Variants in CCDC138 observed in about 807,000 individuals in gnomAD.
The protein encoded by CCDC138 is coiled-coil domain containing 138.
In CCDC138, 66 loss-of-function variants were observed where a neutral mutation model predicts 82.3. The observed-to-expected ratio is 0.80, with a 90% CI of 0.66 to 0.98. The LOEUF (loss-of-function observed/expected upper bound fraction) is 0.98. CCDC138 is among the 50% of genes least tolerant of loss of function. The pLI is 0.00. For missense variants in CCDC138, 816 were observed against 758.9 expected (o/e 1.08, Z -0.88); for synonymous variants, 297 against 265.4 (o/e 1.12, Z -1.16).
chr2:108,810,258 AGTATGAT>A (rs1558652515), intron 7 of CCDC138, among the ~76,000 whole-genome samples: 1 of 152,198 alleles, frequency 6.6e-6, no homozygotes, highest in African/African-American at 2.4e-5. Flanking sequence ...TTCCCTGTTC[AGTATGAT>A]GTTAATTGTG....
rs571101598 is a variant in CCDC138 at position 108,876,008 on chromosome 2, A to G, written c.1833-80A>G. On this transcript the variant is annotated intron_variant, in intron 14 of 14. Transcript: ENST00000295124. ...ACAGATGCCATTTCCTCATGTTTACACATAAATTATCTGTCAGTGTCATTG... is the reference window on the plus strand; with the variant it reads ...ACAGATGCCATTTCCTCATGTTTACGCATAAATTATCTGTCAGTGTCATTG... The G allele has an allele frequency of 7.1e-6, 6 of 841,024 alleles. No individual in the cohort carries two copies. The African/African-American group carries it at 1.0e-4, about 14-fold the overall frequency. 52.1% of individuals were successfully genotyped at this position (841,024 alleles called of 1,614,324 possible).
rs768574081 is a variant in CCDC138, at chr2:108,839,254, G to T, written c.1276G>T (p.Val426Leu). 3 of 1,612,782 alleles carry T rather than the reference G, an allele frequency of 1.9e-6. No individual in the cohort carries two copies. Among genetic ancestry groups the T allele is most frequent in the Non-Finnish European group, 2.5e-6 (3 of 1,179,290 alleles). ...GAATATCAAACTTCACGAGCCTTTT[G>T]TAAAATTTATATATTGGTCCCTAAG... is the stretch of plus-strand genomic sequence containing the variant. ...FVNIKLHEPF[V>L]KFIYWSLRQL... The change falls in exon 11 of 15, where the codon GTA (valine) becomes TTA (leucine). Residue 426 changes from valine to leucine, a missense_variant. Val to Leu is a conservative substitution (Grantham distance 32). Transcript: ENST00000295124.
At chr2:108,807,597 C>G (rs1381518366) in intron 7 of CCDC138, among the ~76,000 whole-genome samples, 3 of 151,976 alleles carry the variant, frequency 2.0e-5, no homozygotes, top group Admixed American at 6.6e-5. Context: ...GAACTTATTC[C>G]TCTTATCTGG....
intron 13 of CCDC138, among the ~76,000 whole-genome samples, chr2:108,870,161 GAAAC>G (rs1346052332): frequency 3.3e-5 from 5 of 151,996 alleles, no homozygotes; most frequent in East Asian, 3.9e-4. Context: ...TGTCAACAAA[GAAAC>G]AAATTATTTA....
intron 12 of CCDC138, among the ~76,000 whole-genome samples, chr2:108,854,322 A>G (rs545277972): frequency 1.7e-3 from 251 of 151,466 alleles, no homozygotes; most frequent in Admixed American, 4.0e-3. Context: ...AGTTACTTCA[A>G]CTCTATAGTC....
chr2:108,832,619 T>C (rs943778287), intron 10 of CCDC138, among the ~76,000 whole-genome samples: 2 of 152,186 alleles, frequency 1.3e-5, no homozygotes, highest in Admixed American at 1.3e-4. Flanking sequence ...TGATGCTCTT[T>C]CTGTAGTTTT....
intron 13 of CCDC138, among the ~76,000 whole-genome samples, chr2:108,861,669 CAG>C (rs1325609185): frequency 2.0e-5 from 3 of 151,938 alleles, no homozygotes; most frequent in Non-Finnish European, 4.4e-5. Context: ...TTAGTAGAGA[CAG>C]GGTTTCACCA....
chr2:108,845,875 T>C (rs935047575), intron 11 of CCDC138, among the ~76,000 whole-genome samples: 2 of 152,192 alleles, frequency 1.3e-5, no homozygotes, highest in African/African-American at 4.8e-5. Context: ...CCAGCCTCAT[T>C]TTATTCTTAA....
chr2:108,792,749 A>C (rs766289891), intron 4 of CCDC138, among the ~76,000 whole-genome samples: 1 of 152,220 alleles, frequency 6.6e-6, no homozygotes, highest in Non-Finnish European at 1.5e-5. Context: ...TGGGGCTTCC[A>C]TGAGTCTAGT....
intron 12 of CCDC138, among the ~76,000 whole-genome samples, chr2:108,856,473 T>TA (rs1269299228): frequency 1.3e-5 from 2 of 152,208 alleles, no homozygotes; most frequent in Non-Finnish European, 2.9e-5. Context: ...ATGTAGTAGT[T>TA]ATCAAATATG....
At position 108,812,928 on chromosome 2, in the gene CCDC138, G is replaced by A. The variant is rs953354901; in HGVS notation, c.1041+1G>A. 9.3e-6 allele frequency: 15 copies of A among 1,612,856 alleles called. No individual in the cohort carries two copies. The highest frequency in any genetic ancestry group is 4.0e-5 in the African/African-American group (3 of 74,806). On this transcript the variant is annotated splice_donor_variant, in intron 9 of 14. Coordinates refer to ENST00000295124, the MANE Select transcript of CCDC138 (RefSeq NM_144978.3). LOFTEE classifies it high-confidence loss of function. Reference sequence around the variant, plus strand: ...AGCACCAGTTTCAAAAACTTACAAGGTAAGTTTGAATTATGATTTGATATG... The same window carrying A: ...AGCACCAGTTTCAAAAACTTACAAGATAAGTTTGAATTATGATTTGATATG...
In CCDC138 at chr2:108,839,063, T is replaced by G. The variant is rs970230468; in HGVS notation, c.1207-122T>G. 29 of 1,058,402 alleles carry G rather than the reference T, an allele frequency of 2.7e-5. No individual in the cohort carries two copies. The African/African-American group carries it at 4.2e-4, about 15-fold the overall frequency. 65.6% of individuals were successfully genotyped at this position (1,058,402 alleles called of 1,614,324 possible). ...ATATAGTTTTAAAGTGAAGGTTTTT[T>G]GTTGGAGAACTCTTTTGTTTTGTTT... On this transcript the variant is annotated intron_variant, in intron 10 of 14. Coordinates refer to ENST00000295124, the MANE Select transcript of CCDC138 (RefSeq NM_144978.3).
Position 108,856,813 on chromosome 2 carries a change from A to T in CCDC138, c.1536A>T (p.Ala512=). The T allele has an allele frequency of 1.2e-6, 2 of 1,613,330 alleles. No individual in the cohort carries two copies. Among genetic ancestry groups the T allele is most frequent in the South Asian group, 2.2e-5 (2 of 90,896 alleles). ...TTCCAGCTGATTACCTGGCTCAGGC[A>T]TTTGATTCTCTTTGTTTGGACTTGA... The part of the protein sequence containing the change: ...TVTQADYLAQ[A]FDSLCLDLKT... Residue 512 remains alanine, a synonymous_variant, in exon 13 of 15, where the codon GCA becomes GCT. Transcript: ENST00000295124.
At chr2:108,819,071 C>G (rs937228114) in intron 10 of CCDC138, among the ~76,000 whole-genome samples, 5 of 152,176 alleles carry the variant, frequency 3.3e-5, no homozygotes, top group Non-Finnish European at 5.9e-5. Context: ...GGCTATAAGA[C>G]TAACGTCATC....
At chr2:108,837,233 T>C (rs1054803471) in intron 10 of CCDC138, among the ~76,000 whole-genome samples, 1 of 152,202 alleles carries the variant, frequency 6.6e-6, no homozygotes, top group Non-Finnish European at 1.5e-5. Flanking sequence ...TGTTGAGTAT[T>C]TTTATCATGA....
At chr2:108,873,410 GC>G in intron 13 of CCDC138, 40 bp from the exon 14 acceptor site, 8 of 1,424,368 alleles carry the variant, frequency 5.6e-6, no homozygotes, top group Non-Finnish European at 7.4e-6. Context: ...TTCCTTTTTC[GC>G]TACTCCCTAA....
At chr2:108,841,110 A>G (rs1689404064) in intron 11 of CCDC138, among the ~76,000 whole-genome samples, 1 of 152,164 alleles carries the variant, frequency 6.6e-6, no homozygotes, top group Admixed American at 6.5e-5. Flanking sequence ...TACTGGGATT[A>G]CAGGTGTGAG....
rs150013407 is a variant in CCDC138, at chr2:108,787,608, C to T, written c.94-424C>T. Among the ~76,000 whole-genome samples, 290 of 152,152 alleles carry T rather than the reference C, an allele frequency of 1.9e-3. 3 individuals are homozygous for T. The highest frequency in any genetic ancestry group is 6.8e-3 in the African/African-American group (281 of 41,488). On this transcript the variant is annotated intron_variant, in intron 1 of 14. Transcript: ENST00000295124. Reference sequence around the variant, plus strand: ...AAACCTTTTATAGGAAAATTTTTTCCTAGTGCAGATCCGACCCAAGAACGA... The same window carrying T: ...AAACCTTTTATAGGAAAATTTTTTCTTAGTGCAGATCCGACCCAAGAACGA...
At chr2:108,873,143 C>T (rs951774957) in intron 13 of CCDC138, among the ~76,000 whole-genome samples, 1 of 152,036 alleles carries the variant, frequency 6.6e-6, no homozygotes, top group Admixed American at 6.6e-5. Flanking sequence ...TTAAACTGAA[C>T]TTATTGTTAC....
Sources: gnomAD v4.1 joint callset for allele counts (sites outside exome capture counted in the v4.1 genomes callset) on GRCh38, gnomAD v4.1.1 for gene constraint, MANE v1.5 for transcripts, NCBI Gene and HGNC (gene_info 2026-07-23, HGNC 2026-07-21) for gene names.